Variants in PLCG2 observed in about 807,000 individuals in gnomAD.
The protein encoded by PLCG2 is phospholipase C gamma 2.
PLCG2 carries 69 observed loss-of-function variants against 175.6 expected under a neutral mutation model. That is an observed-to-expected ratio of 0.39 (90% CI 0.32 to 0.48). The LOEUF (loss-of-function observed/expected upper bound fraction) is 0.48, where lower values mean the gene tolerates loss of function less well. PLCG2 is among the 20% of genes least tolerant of loss of function. The pLI is 0.91. For synonymous variants in PLCG2, 827 were observed against 624.0 expected (o/e 1.33, Z -4.85); for missense variants, 1,798 against 1,650.9 (o/e 1.09, Z -1.54).
At chr16:81,947,704 A>ATTTACATGTCACAAT (rs1433528831) in intron 31 of PLCG2, among the ~76,000 whole-genome samples, 69 of 152,320 alleles carry the variant, frequency 4.5e-4, no homozygotes, top group African/African-American at 1.7e-3. Context: ...TGAAGAAGCC[A>ATTTACATGTCACAAT]TTTACATGTC....
intron 2 of PLCG2, among the ~76,000 whole-genome samples, chr16:81,772,687 G>T (rs1034345043): frequency 3.3e-5 from 5 of 150,782 alleles, no homozygotes; most frequent in Non-Finnish European, 5.9e-5. Flanking sequence ...GTGTGGTGGT[G>T]CATGCCTGTA....
At chr16:81,834,089 C>T (rs1905388940) in intron 2 of PLCG2, among the ~76,000 whole-genome samples, 1 of 152,176 alleles carries the variant, frequency 6.6e-6, no homozygotes, top group South Asian at 2.1e-4. Flanking sequence ...GGGCCACCCG[C>T]ACAGACTACC....
chr16:81,921,185 T>A lies in PLCG2; in HGVS notation c.2236-13T>A. On this transcript the variant is annotated splice_polypyrimidine_tract_variant and intron_variant, in intron 20 of 32. Transcript: ENST00000564138. Reference sequence around the variant, plus strand: ...ATGGATTATTCCATTTCTTTCTTTCTTTTTTTTTCCAGGAAAGAGATATAA... The same window carrying A: ...ATGGATTATTCCATTTCTTTCTTTCATTTTTTTTCCAGGAAAGAGATATAA... 6.8e-7 allele frequency: 1 copy of A among 1,477,840 alleles called. No individual in the cohort carries two copies. Among genetic ancestry groups the A allele is most frequent in the Non-Finnish European group, 9.4e-7 (1 of 1,060,044 alleles). The allele number at this position is 1,477,840 out of a possible 1,614,324, so 91.5% of individuals were successfully genotyped here.
intron 28 of PLCG2, 48 bp from the exon 29 acceptor site, chr16:81,938,753 C>A: frequency 8.8e-7 from 1 of 1,142,850 alleles, no homozygotes; most frequent in Non-Finnish European, 1.3e-6. Flanking sequence ...GCTAGGCTGC[C>A]TGTTCAGGAC....
chr16:81,824,237 A>G (rs138333841), intron 2 of PLCG2, among the ~76,000 whole-genome samples: 12,586 of 151,292 alleles, frequency 0.083, 587 homozygotes, highest in Middle Eastern at 0.14. Flanking sequence ...GGCTTCAAGC[A>G]ATTCTCCTCC....
intron 2 of PLCG2, among the ~76,000 whole-genome samples, chr16:81,788,615 A>C (rs961591439): frequency 6.6e-6 from 1 of 152,160 alleles, no homozygotes; most frequent in African/African-American, 2.4e-5. Flanking sequence ...ACCCTCATCT[A>C]TGCTGCGTGG....
At chr16:81,880,875 A>G (rs1467260981) in intron 7 of PLCG2, 35 bp from the exon 8 acceptor site, 17 of 1,609,830 alleles carry the variant, frequency 1.1e-5, no homozygotes, top group South Asian at 8.8e-5. Flanking sequence ...TGACTTGTCT[A>G]AGGTTCTTTT....
chr16:81,893,713 C>A lies in PLCG2; in HGVS notation c.991C>A (p.Leu331Ile). The A allele has an allele frequency of 8.1e-6, 13 of 1,609,656 alleles. No homozygotes were observed. The highest frequency in any genetic ancestry group is 1.1e-5 in the South Asian group (1 of 90,988). Residue 331 changes from leucine to isoleucine, a missense_variant, in exon 12 of 33, where the codon CTT (leucine) becomes ATT (isoleucine). Transcript: ENST00000564138. The stretch of plus-strand genomic sequence containing the variant: ...CACCTGCCTTCTCTCCTGCAGGTAC[C>A]TTACAGGTGACCAGCTGCGGAGCGA... ...YWISSSHNTY[L>I]TGDQLRSESS...
At chr16:81,937,296 GCTT>G (rs1910756576) in intron 27 of PLCG2, 1 of 152,600 alleles carries the variant, frequency 6.6e-6, no homozygotes, top group African/African-American at 2.4e-5. Flanking sequence ...GTCCATTAGA[GCTT>G]CTTCTTGTAA....
At chr16:81,788,913 G>A (rs1037832227) in intron 2 of PLCG2, among the ~76,000 whole-genome samples, 9 of 152,206 alleles carry the variant, frequency 5.9e-5, no homozygotes, top group African/African-American at 2.2e-4. Context: ...AGGGGTGAGA[G>A]GGTTGGCACT....
intron 22 of PLCG2, among the ~76,000 whole-genome samples, chr16:81,925,947 A>T (rs1458952405): frequency 6.6e-6 from 1 of 152,182 alleles, no homozygotes; most frequent in Non-Finnish European, 1.5e-5. Context: ...ATGTATAATT[A>T]TACGTTAAGT....
rs1225364570 is a variant in PLCG2 at position 81,898,796 on chromosome 16, T to C, written c.1194-1816T>C. The C allele has an allele frequency of 2.0e-5, 3 of 152,144 alleles. No individual in the cohort carries two copies. The East Asian group carries it at 5.8e-4, about 29-fold the overall frequency. 9.4% of individuals were successfully genotyped at this position (152,144 alleles called of 1,614,324 possible). On this transcript the variant is annotated intron_variant, in intron 13 of 32. Coordinates refer to ENST00000564138, the MANE Select transcript of PLCG2 (RefSeq NM_002661.5). ...AGTTTCCTGAGGTGATATGGTGTGGTGATGTCAGGGGATGTTCTTAAGAGA... is the reference window on the plus strand; with the variant it reads ...AGTTTCCTGAGGTGATATGGTGTGGCGATGTCAGGGGATGTTCTTAAGAGA...
At chr16:81,791,529 A>C (rs2143200833) in intron 2 of PLCG2, among the ~76,000 whole-genome samples, 1 of 152,274 alleles carries the variant, frequency 6.6e-6, no homozygotes, top group African/African-American at 2.4e-5. Context: ...CTGATACCTT[A>C]GTGGTGATGG....
At position 81,961,212 on chromosome 16, in the gene PLCG2, C is replaced by T. The variant is rs371211804; in HGVS notation, c.*3214C>T. 5.8e-4 allele frequency: 131 copies of T among 226,400 alleles called. No homozygotes were observed. Among genetic ancestry groups the T allele is most frequent in the Non-Finnish European group, 9.6e-4 (109 of 113,934 alleles). 14.0% of individuals were successfully genotyped at this position (226,400 alleles called of 1,614,324 possible). ...AGTGATTCTGCTATCATAAAGCTTC[C>T]GTTCCCATTGATGTATCTGTGTGAA... On this transcript the variant is annotated 3_prime_UTR_variant, in exon 33 of 33. Coordinates refer to ENST00000564138, the MANE Select transcript of PLCG2 (RefSeq NM_002661.5).
rs114945346 is a variant in PLCG2 at position 81,793,823 on chromosome 16, T to C, written c.193+7641T>C. Among the ~76,000 whole-genome samples the C allele has an allele frequency of 7.0e-3, 1,062 of 152,334 alleles. 10 individuals carry two copies. The highest frequency in any genetic ancestry group is 0.022 in the African/African-American group (915 of 41,580). On this transcript the variant is annotated intron_variant, in intron 2 of 32. Transcript: ENST00000564138. ...TATCCCTGCTTTATTCATAAAGAGATTGAGTCTTGGGGAGATGAGATGACA... is the reference window on the plus strand; with the variant it reads ...TATCCCTGCTTTATTCATAAAGAGACTGAGTCTTGGGGAGATGAGATGACA...
At chr16:81,777,248 C>T (rs1036828213), upstream of PLCG2, among the ~76,000 whole-genome samples, 5 of 152,102 alleles carry the variant, frequency 3.3e-5, no homozygotes, top group Non-Finnish European at 5.9e-5. Flanking sequence ...GAGTGGTCTC[C>T]ACACATTCTG....
chr16:81,812,508 A>G (rs140215528), intron 2 of PLCG2, among the ~76,000 whole-genome samples: 1,917 of 152,248 alleles, frequency 0.013, 40 homozygotes, highest in African/African-American at 0.044. Context: ...GTCTGTTCAT[A>G]TCCTTTGTCC....
rs538424307 is a variant in PLCG2 at position 81,896,447 on chromosome 16, A to G, written c.1193+520A>G. Among the ~76,000 whole-genome samples the G allele has an allele frequency of 2.0e-5, 3 of 150,624 alleles. 1 individual carries two copies. The South Asian group carries it at 6.3e-4, about 31-fold the overall frequency. ...ACACAAATCATCTGGGTGTAGTGGC[A>G]TGTGCCTGTAGTCCCAGTTACTTGG... On this transcript the variant is annotated intron_variant, in intron 13 of 32. Transcript: ENST00000564138.
At chr16:81,828,981 T>C (rs1450232452) in intron 2 of PLCG2, among the ~76,000 whole-genome samples, 1 of 152,224 alleles carries the variant, frequency 6.6e-6, no homozygotes, top group Non-Finnish European at 1.5e-5. Flanking sequence ...TCTCAAACAT[T>C]GCTAGTCTCA....
Sources: gnomAD v4.1 joint callset for allele counts (sites outside exome capture counted in the v4.1 genomes callset) on GRCh38, gnomAD v4.1.1 for gene constraint, MANE v1.5 for transcripts, NCBI Gene and HGNC (gene_info 2026-07-23, HGNC 2026-07-21) for gene names.